CUX1: variants seen among roughly 807,000 people sequenced by gnomAD.
CUX1 encodes cut like homeobox 1.
Under a neutral mutation model 158.8 loss-of-function variants are expected in CUX1, and 31 were observed. That is an observed-to-expected ratio of 0.20 (90% CI 0.15 to 0.26). The LOEUF is 0.26. CUX1 is among the 10% of genes least tolerant of loss of function. The probability of loss-of-function intolerance (pLI) is 1.00; values close to 1 mark genes in which losing one functional copy is unlikely to be tolerated. For missense variants in CUX1, 1,589 were observed against 2,014.6 expected, an observed-to-expected ratio of 0.79 and a Z score of 4.04; for synonymous variants, 879 against 862.1, an observed-to-expected ratio of 1.02 and a Z score of -0.34.
At chr7:102,140,242 G>T (rs1834299226) in intron 8 of CUX1, among the ~76,000 whole-genome samples, 1 of 151,842 alleles carries the variant, frequency 6.6e-6, no homozygotes, top group African/African-American at 2.4e-5. Context: ...TTTTTTGTTT[G>T]TTTGTTTGTT....
chr7:101,996,858 C>T (rs1198302254), intron 2 of CUX1, among the ~76,000 whole-genome samples: 1 of 152,050 alleles, frequency 6.6e-6, no homozygotes, highest in East Asian at 1.9e-4. Context: ...CCCTTCCACC[C>T]TGCGTCTGCC....
At chr7:102,041,666 A>ATTTTTTTTTTTT (rs1246831975) in intron 3 of CUX1, among the ~76,000 whole-genome samples, 2 of 104,922 alleles carry the variant, frequency 1.9e-5, no homozygotes, top group Non-Finnish European at 3.8e-5. Flanking sequence ...CTCCCTTTTG[A>ATTTTTTTTTTTT]TTTTTTTTTT....
At chr7:101,838,948 C>T (rs960148470) in intron 1 of CUX1, among the ~76,000 whole-genome samples, 4 of 152,200 alleles carry the variant, frequency 2.6e-5, no homozygotes, top group South Asian at 2.1e-4. Context: ...GTCCATGATC[C>T]GGGTACGGGC....
At chr7:102,003,149 T>A (rs1308038897) in intron 2 of CUX1, among the ~76,000 whole-genome samples, 1 of 152,110 alleles carries the variant, frequency 6.6e-6, no homozygotes, top group Non-Finnish European at 1.5e-5. Context: ...TCTGCCCGCC[T>A]CGGCCTCCCA....
chr7:102,123,595 T>A (rs1832294556), intron 8 of CUX1, among the ~76,000 whole-genome samples: 2 of 131,772 alleles, frequency 1.5e-5, no homozygotes, highest in South Asian at 4.9e-4. Context: ...GGTGGCAGAG[T>A]GAGACTCCGT....
chr7:101,880,919 G>T (rs140174837), intron 1 of CUX1, among the ~76,000 whole-genome samples: 5 of 152,296 alleles, frequency 3.3e-5, no homozygotes, highest in African/African-American at 9.6e-5. Context: ...TCTCCACTAA[G>T]AGCAATTTTT....
chr7:101,860,038 C>T (rs1797274142), intron 1 of CUX1, among the ~76,000 whole-genome samples: 1 of 141,538 alleles, frequency 7.1e-6, no homozygotes, highest in Non-Finnish European at 1.5e-5. Flanking sequence ...GTCTCTCTGT[C>T]TCTGCCTGCT....
intron 2 of CUX1, among the ~76,000 whole-genome samples, chr7:101,928,826 A>G (rs528891922): frequency 4.0e-5 from 6 of 150,142 alleles, no homozygotes; most frequent in East Asian, 2.0e-4. Context: ...GCCCGCCACT[A>G]CGCCCGGCTA....
Position 102,201,309 on chromosome 7 carries a change from C to A in CUX1, c.2063-51C>A, listed in dbSNP as rs781904320. On this transcript the variant is annotated intron_variant, in intron 17 of 23. Transcript: ENST00000292535. The surrounding 1 kb of genome is among the most constrained non-coding windows in gnomAD (Gnocchi z 5.0). ...CAAGTTAGGATGAGAAGCATGTCCCCAGCTGAAGGGGGCCGCCCTGCCACA... is the reference window on the plus strand; with the variant it reads ...CAAGTTAGGATGAGAAGCATGTCCCAAGCTGAAGGGGGCCGCCCTGCCACA... 6.3e-7 allele frequency: 1 copy of A among 1,580,436 alleles called. No individual in the cohort carries two copies. Among genetic ancestry groups the A allele is most frequent in the Non-Finnish European group, 8.6e-7 (1 of 1,162,422 alleles).
chr7:101,963,147 A>G (rs1421216763), intron 2 of CUX1, among the ~76,000 whole-genome samples: 4 of 151,832 alleles, frequency 2.6e-5, no homozygotes, highest in African/African-American at 9.7e-5. Flanking sequence ...CTTTCTCTAA[A>G]CCACCCCCTT....
chr7:101,857,990 GCAC>G (rs1269192676), intron 1 of CUX1, among the ~76,000 whole-genome samples: 1 of 152,148 alleles, frequency 6.6e-6, no homozygotes, highest in African/African-American at 2.4e-5. Context: ...GAATGTGGTG[GCAC>G]GCACCTGTAC....
chr7:101,981,617 C>A (rs1021128016), intron 2 of CUX1, among the ~76,000 whole-genome samples: 1 of 145,680 alleles, frequency 6.9e-6, no homozygotes, highest in Non-Finnish European at 1.5e-5. Flanking sequence ...AGTTTAAAGT[C>A]TTTTTTTTTT....
rs1369854055 is a variant in CUX1, at chr7:102,248,118, G to T, written c.3888-294G>T. Reference sequence around the variant, plus strand: ...TGCACTCCACCTGGGCAGCAACAGGGAAATTCTGTCTCAAAAAATAAAAAT... The same window carrying T: ...TGCACTCCACCTGGGCAGCAACAGGTAAATTCTGTCTCAAAAAATAAAAAT... On this transcript the variant is annotated intron_variant, in intron 23 of 23. Transcript: ENST00000292535. This position sits in a 1 kb window ranked among gnomAD's most constrained non-coding sequence, Gnocchi z 5.8. 6.6e-6 allele frequency among the ~76,000 whole-genome samples: 1 copy of T among 152,214 alleles called. No homozygotes were observed. Among genetic ancestry groups the T allele is most frequent in the East Asian group, 1.9e-4 (1 of 5,186 alleles).
intron 14 of CUX1, among the ~76,000 whole-genome samples, chr7:102,270,208 C>G (rs868957276): frequency 2.0e-4 from 31 of 152,352 alleles, no homozygotes; most frequent in Middle Eastern, 3.4e-3. Flanking sequence ...ACCCCAGCTT[C>G]CCCACCTGCG....
At chr7:102,277,778 C>A (rs558010816) in intron 17 of CUX1, among the ~76,000 whole-genome samples, 92 of 152,188 alleles carry the variant, frequency 6.0e-4, no homozygotes, top group African/African-American at 2.2e-3. Context: ...GACCCAAGAT[C>A]CCTGACTTCT....
At chr7:102,074,255 A>G (rs1031573944) in intron 4 of CUX1, among the ~76,000 whole-genome samples, 5 of 152,180 alleles carry the variant, frequency 3.3e-5, no homozygotes, top group African/African-American at 1.2e-4. Context: ...AGAGACAGCA[A>G]CTCACACTGT....
At chr7:102,244,506 TG>T (rs1250015502) in intron 23 of CUX1, among the ~76,000 whole-genome samples, 2 of 147,426 alleles carry the variant, frequency 1.4e-5, no homozygotes, top group Non-Finnish European at 3.0e-5. Context: ...GAGACCAGAC[TG>T]GGCAACATAG....
intron 8 of CUX1, chr7:102,154,552 C>T (rs380175): frequency 0.64 from 97,632 of 151,702 alleles, 33,333 homozygotes; most frequent in African/African-American, 0.84. Flanking sequence ...GCCCAGGAGA[C>T]TGAGGCTGCC....
chr7:102,159,252 G>T (rs1205585570), intron 9 of CUX1, among the ~76,000 whole-genome samples: 3 of 151,950 alleles, frequency 2.0e-5, no homozygotes, highest in African/African-American at 7.3e-5. Flanking sequence ...TCTCACCACG[G>T]TGTTATCCTA....
Sources: allele counts gnomAD v4.1 joint callset (sites outside exome capture counted in the v4.1 genomes callset), GRCh38; gene constraint gnomAD v4.1.1; non-coding constraint Gnocchi (gnomAD v3.1); transcripts MANE v1.5; gene names NCBI Gene and HGNC (gene_info 2026-07-23, HGNC 2026-07-21).